Variants in SPATA6 observed in about 807,000 individuals in gnomAD.
The protein encoded by SPATA6 is spermatogenesis associated 6.
A neutral mutation model predicts 65.3 loss-of-function variants in SPATA6; 56 were observed. The observed-to-expected ratio is 0.86, with a 90% CI of 0.69 to 1.07. The LOEUF is 1.07. Ranked by LOEUF, SPATA6 falls within the 50% of genes least tolerant of loss-of-function variation. The probability of loss-of-function intolerance (pLI) is 0.00; values close to 1 mark genes in which losing one functional copy is unlikely to be tolerated. For synonymous variants in SPATA6, 199 were observed against 213.2 expected (o/e 0.93, Z 0.58); for missense variants, 590 against 594.8 (o/e 0.99, Z 0.08).
downstream of SPATA6, among the ~76,000 whole-genome samples, chr1:48,290,526 G>C (rs1205741633): frequency 6.6e-6 from 1 of 152,054 alleles, no homozygotes; most frequent in South Asian, 2.1e-4. Flanking sequence ...TGGGCTAAAT[G>C]CTCCAATTAA....
At position 48,347,290 on chromosome 1, in the gene SPATA6, C is replaced by T. The variant is rs745651858; in HGVS notation, c.1194+8380G>A. 8.1e-4 allele frequency among the ~76,000 whole-genome samples: 122 copies of T among 151,546 alleles called. 1 individual carries two copies. The highest frequency in any genetic ancestry group is 1.2e-3 in the Non-Finnish European group (80 of 67,884). ...GCAGAAGGCTGAAAGTGGGGGAAAA[C>T]ACCATATACAAAAAGTAACTCAAGA... On this transcript the variant is annotated intron_variant, in intron 11 of 12. Coordinates refer to ENST00000371847, the MANE Select transcript of SPATA6 (RefSeq NM_019073.4).
At chr1:48,427,867 C>T (rs1245018931) in intron 3 of SPATA6, among the ~76,000 whole-genome samples, 2 of 152,122 alleles carry the variant, frequency 1.3e-5, no homozygotes, top group African/African-American at 4.8e-5. Flanking sequence ...GCTTTTCAAC[C>T]CTTTCCCCTT....
intron 9 of SPATA6, among the ~76,000 whole-genome samples, chr1:48,369,149 G>T (rs907740989): frequency 6.6e-6 from 1 of 152,134 alleles, no homozygotes; most frequent in South Asian, 2.1e-4. Flanking sequence ...TCGGTCCTCT[G>T]GAAGTTTTGT....
chr1:48,471,963 T>G lies in SPATA6; in HGVS notation c.46A>C (p.Ser16Arg), dbSNP rs761182135. ...GAGGCGCTACCGGTACTCACTGAGC[T>G]GATCTCCAGCGCCAGGGCGCACTGC... Reference protein sequence around the residue: ...ALQCALALEISSVTCPGVVLK... With the variant: ...ALQCALALEIRSVTCPGVVLK... The change falls in exon 1 of 13, where the codon AGC (serine) becomes CGC (arginine). Residue 16 changes from serine (S) to arginine (R), a missense_variant. Ser to Arg is a moderately radical substitution (Grantham distance 110). Coordinates refer to ENST00000371847, the MANE Select transcript of SPATA6 (RefSeq NM_019073.4). 6.2e-7 allele frequency: 1 copy of G among 1,605,186 alleles called. No individual in the cohort carries two copies. The highest frequency in any genetic ancestry group is 1.4e-5 in the African/African-American group (1 of 74,022).
At chr1:48,284,901 CG>C in the SPATA6 span, among the ~76,000 whole-genome samples, 421 of 152,222 alleles carry the variant, frequency 2.8e-3, no homozygotes, top group African/African-American at 8.5e-3. Context: ...TCAGGAGACA[CG>C]GGGCTCAGGA....
At chr1:48,289,744 G>A in the SPATA6 span, among the ~76,000 whole-genome samples, 1 of 152,204 alleles carries the variant, frequency 6.6e-6, no homozygotes, top group Non-Finnish European at 1.5e-5. Flanking sequence ...GGAAGAAAGG[G>A]TGTTAGTGAT....
At chr1:48,466,696 A>T (rs1027538188) in intron 1 of SPATA6, among the ~76,000 whole-genome samples, 2 of 152,026 alleles carry the variant, frequency 1.3e-5, no homozygotes, top group African/African-American at 2.4e-5. Flanking sequence ...TATAGTTAAA[A>T]TTTTTTAAAG....
intron 9 of SPATA6, among the ~76,000 whole-genome samples, chr1:48,366,713 T>A (rs886920147): frequency 9.9e-5 from 15 of 152,194 alleles, no homozygotes; most frequent in African/African-American, 3.4e-4. Flanking sequence ...TTGCTAGCGG[T>A]CTATCAATTT....
chr1:48,445,514 G>T (rs1655943258), intron 3 of SPATA6, among the ~76,000 whole-genome samples: 1 of 152,046 alleles, frequency 6.6e-6, no homozygotes, highest in African/African-American at 2.4e-5. Context: ...CAAAAAATTA[G>T]CCGGGCGTGG....
At chr1:48,340,848 A>G (rs1310187401) in intron 11 of SPATA6, among the ~76,000 whole-genome samples, 1 of 152,170 alleles carries the variant, frequency 6.6e-6, no homozygotes, top group Non-Finnish European at 1.5e-5. Flanking sequence ...TATTCCAAAG[A>G]AAGTTGGTGT....
At chr1:48,343,986 A>T (rs1420966637) in intron 11 of SPATA6, among the ~76,000 whole-genome samples, 1 of 152,140 alleles carries the variant, frequency 6.6e-6, no homozygotes, top group Non-Finnish European at 1.5e-5. Flanking sequence ...AATATAGAAC[A>T]GGTAGTGCAA....
intron 5 of SPATA6, among the ~76,000 whole-genome samples, chr1:48,406,247 G>A (rs1651694060): frequency 6.6e-6 from 1 of 151,922 alleles, no homozygotes; most frequent in South Asian, 2.1e-4. Flanking sequence ...CAAAACAAAA[G>A]AATCCCTTGT....
At chr1:48,442,743 A>C (rs997655976) in intron 3 of SPATA6, among the ~76,000 whole-genome samples, 2 of 150,352 alleles carry the variant, frequency 1.3e-5, no homozygotes, top group African/African-American at 4.9e-5. Context: ...AAAAAAAAAA[A>C]AACAGTGTAC....
chr1:48,452,042 C>T (rs1367702468), intron 2 of SPATA6, among the ~76,000 whole-genome samples: 1 of 152,178 alleles, frequency 6.6e-6, no homozygotes, highest in Non-Finnish European at 1.5e-5. Flanking sequence ...CTTACCCGCC[C>T]ATTATTCTCT....
chr1:48,453,381 C>G (rs1656750340), intron 1 of SPATA6, among the ~76,000 whole-genome samples: 1 of 152,186 alleles, frequency 6.6e-6, no homozygotes, highest in South Asian at 2.1e-4. Flanking sequence ...GTTCTATGTA[C>G]TAGCTCTTGG....
At chr1:48,402,443 G>A (rs1651256696) in intron 6 of SPATA6, among the ~76,000 whole-genome samples, 1 of 152,120 alleles carries the variant, frequency 6.6e-6, no homozygotes, top group African/African-American at 2.4e-5. Context: ...TTTACAATGT[G>A]CACAGTGCAC....
intron 11 of SPATA6, among the ~76,000 whole-genome samples, chr1:48,324,822 A>C (rs1397668094): frequency 1.3e-5 from 2 of 152,164 alleles, no homozygotes; most frequent in African/African-American, 4.8e-5. Flanking sequence ...GTTATTCAAT[A>C]TAGCACTGGA....
chr1:48,266,764 TTTTG>T, the SPATA6 span, among the ~76,000 whole-genome samples: 1 of 152,220 alleles, frequency 6.6e-6, no homozygotes, highest in Non-Finnish European at 1.5e-5. Flanking sequence ...TTTTGACTGT[TTTTG>T]TTTAAGATTA....
rs754626302 is a variant in SPATA6 at position 48,305,922 on chromosome 1, C to A, written c.1195-44G>T. The A allele has an allele frequency of 1.8e-5, 26 of 1,453,314 alleles. No homozygotes were observed. In the African/African-American group the frequency reaches 3.4e-4, roughly 19 times the overall value. The allele number at this position is 1,453,314 out of a possible 1,614,324, so 90.0% of individuals were successfully genotyped here. On this transcript the variant is annotated intron_variant, in intron 11 of 12. Transcript: ENST00000371847. The stretch of plus-strand genomic sequence containing the variant: ...TTCCATTAACTCACTGTCTCATTGT[C>A]CCCAAAATGATGCATATGTTTCTTC...
Sources: allele counts gnomAD v4.1 joint callset (sites outside exome capture counted in the v4.1 genomes callset), GRCh38; gene constraint gnomAD v4.1.1; transcripts MANE v1.5; gene names NCBI Gene and HGNC (gene_info 2026-07-23, HGNC 2026-07-21).